The following TGM2 variants were observed in gnomAD, a reference collection of about 807,000 sequenced individuals.
TGM2 encodes the protein protein-glutamine gamma-glutamyltransferase 2.
TGM2 carries 53 observed loss-of-function variants against 75.6 expected under a neutral mutation model. The ratio of observed to expected loss-of-function variants is 0.70; its 90% CI spans 0.56 to 0.88. The LOEUF (loss-of-function observed/expected upper bound fraction) is 0.88. Ranked by LOEUF, TGM2 falls within the 40% of genes least tolerant of loss-of-function variation. TGM2 has a pLI of 0.00. For missense variants in TGM2, 842 were observed against 928.5 expected, an observed-to-expected ratio of 0.91 and a Z score of 1.21; for synonymous variants, 374 against 381.1, an observed-to-expected ratio of 0.98 and a Z score of 0.22.
At chr20:38,139,338 T>C (rs1322972360) in intron 9 of TGM2, 74 bp downstream of exon 9, 4 of 1,609,710 alleles carry the variant, frequency 2.5e-6, no homozygotes, top group East Asian at 4.5e-5. Flanking sequence ...CGCACACACA[T>C]ACACGAGCCT....
chr20:38,136,479 G>T (rs886217253), intron 10 of TGM2, among the ~76,000 whole-genome samples: 1 of 152,180 alleles, frequency 6.6e-6, no homozygotes, highest in African/African-American at 2.4e-5. Flanking sequence ...AGGCATGAGT[G>T]CCTACTGTGT....
intron 2 of TGM2, among the ~76,000 whole-genome samples, chr20:38,156,368 T>C (rs2076391): frequency 0.28 from 43,365 of 152,260 alleles, 7,376 homozygotes; most frequent in East Asian, 0.52. Flanking sequence ...AGGGGCCATG[T>C]GGCCCAGAGC....
At chr20:38,154,449 AGATGGGAAAATCGAGGCCTGGGGAGGT>A (rs2075156827) in intron 3 of TGM2, among the ~76,000 whole-genome samples, 1 of 152,208 alleles carries the variant, frequency 6.6e-6, no homozygotes, top group Non-Finnish European at 1.5e-5. Context: ...CTTGCTAGTT[AGATGGGAAAATCGAGGCCTGGGGAGGT>A]GACTGGCAAC....
chr20:38,154,126 C>T (rs889911214), intron 3 of TGM2, among the ~76,000 whole-genome samples: 34 of 152,116 alleles, frequency 2.2e-4, no homozygotes, highest in African/African-American at 7.2e-4. Context: ...GATTACACTG[C>T]ACCTGGGCTT....
intron 10 of TGM2, among the ~76,000 whole-genome samples, chr20:38,137,438 G>A (rs1224833900): frequency 6.6e-6 from 1 of 152,174 alleles, no homozygotes; most frequent in African/African-American, 2.4e-5. Context: ...GGGCAACAGA[G>A]TAAGACTCCA....
At position 38,156,057 on chromosome 20, in the gene TGM2, C is replaced by A. The variant is rs768379094; in HGVS notation, c.223G>T (p.Ala75Ser). ...ACAGCATCTCTTAGTGGAAAACGGG[C>A]CTTGGTCCCGGCCTCCTGGCTAGGG... ...PAPSQEAGTK[A>S]RFPLRDAVEE... The change falls in exon 3 of 13, where the codon GCC becomes TCC. Residue 75 changes from alanine (A) to serine (S), a missense_variant. Ala to Ser is a moderately conservative substitution (Grantham distance 99). Coordinates refer to ENST00000361475, the MANE Select transcript of TGM2 (RefSeq NM_004613.4). The A allele has an allele frequency of 6.8e-6, 11 of 1,613,596 alleles. No individual in the cohort carries two copies. In the East Asian group the frequency reaches 1.1e-4, roughly 16 times the overall value.
At chr20:38,154,998 G>A (rs2075164845) in intron 3 of TGM2, among the ~76,000 whole-genome samples, 1 of 152,186 alleles carries the variant, frequency 6.6e-6, no homozygotes, top group Non-Finnish European at 1.5e-5. Context: ...CCCAGCTACT[G>A]GGGAGGCTGA....
intron 6 of TGM2, among the ~76,000 whole-genome samples, chr20:38,144,896 C>T (rs1157340973): frequency 6.6e-6 from 1 of 152,186 alleles, no homozygotes; most frequent in African/African-American, 2.4e-5. Flanking sequence ...CAGTGGGCAG[C>T]TGAGGGGCAG....
chr20:38,137,952 A>C (rs2074919878), intron 10 of TGM2, 161 bp downstream of exon 10: 1 of 1,428,176 alleles, frequency 7.0e-7, no homozygotes, highest in East Asian at 2.5e-5. Context: ...ATAAGAATTA[A>C]GTGGGTTGAT....
intron 9 of TGM2, among the ~76,000 whole-genome samples, chr20:38,138,619 T>C (rs908499247): frequency 6.6e-6 from 1 of 152,192 alleles, no homozygotes; most frequent in Non-Finnish European, 1.5e-5. Context: ...GGAAGCCCTC[T>C]CTGACCACTC....
At position 38,132,651 on chromosome 20, in the gene TGM2, G is replaced by C. The variant is rs769155372; in HGVS notation, c.1616-151C>G. 30 of 1,082,568 alleles carry C rather than the reference G, an allele frequency of 2.8e-5. No individual in the cohort carries two copies. The Admixed American group carries it at 5.4e-4, about 19-fold the overall frequency. 67.1% of individuals were successfully genotyped at this position (1,082,568 alleles called of 1,614,324 possible). On this transcript the variant is annotated intron_variant, in intron 10 of 12. Coordinates refer to ENST00000361475, the MANE Select transcript of TGM2 (RefSeq NM_004613.4). ...GCGGATCCCTGAACTCCCCACTGTG[G>C]CTCCAGGGTTCCCAGCGAGGAGCTG...
At chr20:38,149,864 A>T (rs901765895) in intron 4 of TGM2, among the ~76,000 whole-genome samples, 1 of 152,016 alleles carries the variant, frequency 6.6e-6, no homozygotes, top group South Asian at 2.1e-4. Flanking sequence ...GGGGTTGCTG[A>T]GCAGTTAGTT....
At chr20:38,153,523 T>TAAAAAAAAAAAAAAA (rs2075140441) in intron 3 of TGM2, among the ~76,000 whole-genome samples, 1 of 61,058 alleles carries the variant, frequency 1.6e-5, no homozygotes, top group Admixed American at 2.4e-4. Context: ...AGCCTTGGTC[T>TAAAAAAAAAAAAAAA]CAAAAAAAAG....
rs776780975 is a variant in TGM2 at position 38,141,391 on chromosome 20, G to A, written c.996-6C>T. ...CCACCCAGCAGTGGAAGTTCCTGAG[G>A]GGGATAGGGGGGCGGGAATGAAGCA... On this transcript the variant is annotated splice_region_variant and splice_polypyrimidine_tract_variant and intron_variant, in intron 7 of 12. Transcript: ENST00000361475. 9 of 1,565,264 alleles carry A rather than the reference G, an allele frequency of 5.7e-6. No homozygotes were observed. In the South Asian group the frequency reaches 9.4e-5, roughly 16 times the overall value.
chr20:38,146,414 G>T, intron 6 of TGM2: 1 of 484,474 alleles, frequency 2.1e-6, no homozygotes, highest in Non-Finnish European at 3.8e-6. Context: ...GTGGTGGGAG[G>T]GAGGGGGTTT....
intron 1 of TGM2, among the ~76,000 whole-genome samples, 196 bp from the exon 2 acceptor site, chr20:38,161,795 T>C (rs1314459636): frequency 6.6e-6 from 1 of 152,192 alleles, no homozygotes; most frequent in African/African-American, 2.4e-5. Flanking sequence ...ACTCTTTTTT[T>C]TCTTTTTAAT....
chr20:38,137,686 G>A (rs541092632), intron 10 of TGM2, among the ~76,000 whole-genome samples: 28 of 152,246 alleles, frequency 1.8e-4, no homozygotes, highest in East Asian at 1.4e-3. Context: ...AGAGGTTCTC[G>A]AAGGGCCCAT....
chr20:38,141,698 T>A (rs2074977245), intron 7 of TGM2, among the ~76,000 whole-genome samples: 2 of 151,948 alleles, frequency 1.3e-5, no homozygotes, highest in African/African-American at 4.8e-5. Context: ...TCAGGGCTTA[T>A]CACTCCCCAC....
In TGM2 at chr20:38,146,564, C is replaced by T. The variant is rs772215992; in HGVS notation, c.859+153G>A. 1.2e-4 allele frequency: 100 copies of T among 866,842 alleles called. No homozygotes were observed. The African/African-American group carries it at 1.3e-3, about 12-fold the overall frequency. The allele number at this position is 866,842 out of a possible 1,614,324, so 53.7% of individuals were successfully genotyped here. On this transcript the variant is annotated intron_variant, in intron 6 of 12. Transcript: ENST00000361475. ...GAGGGATGGCTATTGGATAAAGGAC[C>T]GGAGAGGGTGGTCACAGGCTCTAGG...
Sources: gnomAD v4.1 joint callset for allele counts (sites outside exome capture counted in the v4.1 genomes callset) on GRCh38, gnomAD v4.1.1 for gene constraint, MANE v1.5 for transcripts, NCBI Gene and HGNC (gene_info 2026-07-23, HGNC 2026-07-21) for gene names.